The following TMEM179 variants were observed in gnomAD, a reference collection of about 807,000 sequenced individuals.
TMEM179 encodes the protein transmembrane protein 179A.
Under a neutral mutation model 22.2 loss-of-function variants are expected in TMEM179, and 17 were observed. That is an observed-to-expected ratio of 0.77 (90% CI 0.52 to 1.15). The LOEUF is 1.15. TMEM179 is among the 50% of genes most tolerant of loss of function. TMEM179 has a pLI of 0.00. For synonymous variants in TMEM179, 127 were observed against 140.5 expected (o/e 0.90, Z 0.68); for missense variants, 265 against 313.6 (o/e 0.84, Z 1.17).
chr14:104,601,468 C>T (rs1009745436), intron 1 of TMEM179, among the ~76,000 whole-genome samples: 4 of 152,154 alleles, frequency 2.6e-5, no homozygotes, highest in African/African-American at 9.7e-5. Flanking sequence ...GGTGGGGTCC[C>T]CTGGGGGGGG....
intron 3 of TMEM179, chr14:104,594,877 C>T (rs1886964566): frequency 7.6e-7 from 1 of 1,313,544 alleles, no homozygotes. Context: ...GCACCACCTC[C>T]CCCCACACCC....
Position 104,593,439 on chromosome 14 carries a change from G to A in TMEM179, c.*40C>T. The A allele has an allele frequency of 6.5e-7, 1 of 1,535,280 alleles. No homozygotes were observed. Among genetic ancestry groups the A allele is most frequent in the Non-Finnish European group, 8.7e-7 (1 of 1,146,220 alleles). Reference sequence around the variant, plus strand: ...AGGCAGGCCCGTGCCCCCGAGCGCAGCAGGGAGGTCGGGGCCAGCTCCCCC... The same window carrying A: ...AGGCAGGCCCGTGCCCCCGAGCGCAACAGGGAGGTCGGGGCCAGCTCCCCC... On this transcript the variant is annotated 3_prime_UTR_variant, in exon 4 of 4. Coordinates refer to ENST00000556573, the MANE Select transcript of TMEM179 (RefSeq NM_001286389.2).
At chr14:104,594,181 C>T (rs898176096) in intron 3 of TMEM179, 8 of 1,231,962 alleles carry the variant, frequency 6.5e-6, no homozygotes, top group African/African-American at 6.2e-5. Context: ...TGCACTCACA[C>T]CTTAATCCAA....
chr14:104,594,993 C>G (rs1453367139), intron 3 of TMEM179, 172 bp downstream of exon 3: 2 of 1,486,050 alleles, frequency 1.3e-6, no homozygotes, highest in Non-Finnish European at 1.8e-6. Flanking sequence ...TCTCCCCCAC[C>G]TCCTGCAGGA....
chr14:104,596,153 G>A (rs924374521), intron 2 of TMEM179, among the ~76,000 whole-genome samples: 5 of 152,232 alleles, frequency 3.3e-5, no homozygotes, highest in Non-Finnish European at 5.9e-5. Context: ...TGGAGGCACG[G>A]AACAGACAGG....
chr14:104,598,265 G>T (rs1252086305), intron 1 of TMEM179, among the ~76,000 whole-genome samples: 1 of 152,196 alleles, frequency 6.6e-6, no homozygotes, highest in Non-Finnish European at 1.5e-5. Flanking sequence ...GGAGCCCTGA[G>T]GGGGACTTCC....
At chr14:104,594,926 C>A in intron 3 of TMEM179, 1 of 1,219,150 alleles carries the variant, frequency 8.2e-7, no homozygotes, top group Non-Finnish European at 1.0e-6. Flanking sequence ...CTTGCCACTT[C>A]CTGATTCTAA....
At position 104,592,122 on chromosome 14, in the gene TMEM179, C is replaced by T. The variant is rs548403259; in HGVS notation, c.*1357G>A. Reference sequence around the variant, plus strand: ...ATGGGAGGGGCAGAGGGGCTGTCCACACAGCACCCACGGCTCCCATCACGC... The same window carrying T: ...ATGGGAGGGGCAGAGGGGCTGTCCATACAGCACCCACGGCTCCCATCACGC... On this transcript the variant is annotated 3_prime_UTR_variant, in exon 4 of 4. Transcript: ENST00000556573. 3.5e-4 allele frequency: 55 copies of T among 156,300 alleles called. No homozygotes were observed. Among genetic ancestry groups the T allele is most frequent in the Middle Eastern group, 3.4e-3 (1 of 298 alleles). The allele number at this position is 156,300 out of a possible 1,614,324, so 9.7% of individuals were successfully genotyped here.
intron 3 of TMEM179, 100 bp from the exon 4 acceptor site, chr14:104,593,758 C>T: frequency 7.5e-7 from 1 of 1,341,980 alleles, no homozygotes; most frequent in Non-Finnish European, 9.7e-7. Context: ...AGGGAAAGGA[C>T]AGGACTCAGA....
intron 1 of TMEM179, among the ~76,000 whole-genome samples, chr14:104,600,553 G>T (rs1566745684): frequency 6.6e-6 from 1 of 152,166 alleles, no homozygotes; most frequent in Non-Finnish European, 1.5e-5. Flanking sequence ...AAGCCTCTCT[G>T]AAGCACAGGT....
rs900193681 is a variant in TMEM179, at chr14:104,592,004, T to A, written c.*1475A>T. The A allele has an allele frequency of 6.4e-6, 1 of 156,044 alleles. No individual in the cohort carries two copies. The highest frequency in any genetic ancestry group is 2.4e-5 in the African/African-American group (1 of 41,428). The allele number at this position is 156,044 out of a possible 1,614,324, so 9.7% of individuals were successfully genotyped here. ...GGTCCCAGGTTCACATCCCAGCTCC[T>A]CCACTTGCTTCTGCGGGGCCTCAGC... On this transcript the variant is annotated 3_prime_UTR_variant, in exon 4 of 4. Coordinates refer to ENST00000556573, the MANE Select transcript of TMEM179 (RefSeq NM_001286389.2).
In TMEM179 at chr14:104,604,422, G is replaced by A; in HGVS notation, c.305+15C>T. On this transcript the variant is annotated intron_variant, in intron 1 of 3. Transcript: ENST00000556573. The surrounding 1 kb of genome is among the most constrained non-coding windows in gnomAD (Gnocchi z 4.6). ...GCATGGAAGGGGCGCCGCGCCGGGA[G>A]CGGCCCCCACTTACCCCTCGTGTCC... The A allele has an allele frequency of 1.3e-6, 2 of 1,515,808 alleles. No homozygotes were observed. The highest frequency in any genetic ancestry group is 1.8e-6 in the Non-Finnish European group (2 of 1,140,178). 93.9% of individuals were successfully genotyped at this position (1,515,808 alleles called of 1,614,324 possible).
chr14:104,604,763 C>T lies in TMEM179; in HGVS notation c.-22G>A. 2 of 1,492,684 alleles carry T rather than the reference C, an allele frequency of 1.3e-6. No individual in the cohort carries two copies. The highest frequency in any genetic ancestry group is 2.7e-5 in the South Asian group (2 of 74,624). The allele number at this position is 1,492,684 out of a possible 1,614,324, so 92.5% of individuals were successfully genotyped here. On this transcript the variant is annotated 5_prime_UTR_variant, in exon 1 of 4. Transcript: ENST00000556573. The surrounding 1 kb of genome is among the most constrained non-coding windows in gnomAD (Gnocchi z 4.6). ...CCATGGCCGGCCCGGGCGAGAGCGG[C>T]GGCGGGAAGGCCGCGGGAGGCTGCG...
rs1032322237 is a variant in TMEM179, at chr14:104,597,376, C to T, written c.306-249G>A. On this transcript the variant is annotated intron_variant, in intron 1 of 3. Coordinates refer to ENST00000556573, the MANE Select transcript of TMEM179 (RefSeq NM_001286389.2). This position sits in a 1 kb window ranked among gnomAD's most constrained non-coding sequence, Gnocchi z 4.8. ...GCCCACCCTGGGCTGCAGGTCACACCTTCCCAAAGACCCAGGACCTGGAAC... is the reference window on the plus strand; with the variant it reads ...GCCCACCCTGGGCTGCAGGTCACACTTTCCCAAAGACCCAGGACCTGGAAC... 2.0e-5 allele frequency among the ~76,000 whole-genome samples: 3 copies of T among 152,142 alleles called. No individual in the cohort carries two copies. Among genetic ancestry groups the T allele is most frequent in the African/African-American group, 7.2e-5 (3 of 41,420 alleles).
chr14:104,594,876 C>T, intron 3 of TMEM179: 1 of 1,298,356 alleles, frequency 7.7e-7, no homozygotes, highest in Non-Finnish European at 9.8e-7. Context: ...GGCACCACCT[C>T]CCCCCACACC....
chr14:104,601,808 C>T (rs1026404354), intron 1 of TMEM179, among the ~76,000 whole-genome samples: 2 of 152,158 alleles, frequency 1.3e-5, no homozygotes, highest in Non-Finnish European at 1.5e-5. Context: ...GCAGGAGCTG[C>T]CCGGACCTGA....
In TMEM179 at chr14:104,593,516, C is replaced by A; in HGVS notation, c.665G>T (p.Arg222Leu). The A allele has an allele frequency of 6.5e-7, 1 of 1,535,766 alleles. No individual in the cohort carries two copies. Among genetic ancestry groups the A allele is most frequent in the African/African-American group, 1.4e-5 (1 of 73,164 alleles). The change falls in exon 4 of 4, where the codon CGC becomes CTC. Residue 222 changes from arginine (R) to leucine (L), a missense_variant. Transcript: ENST00000556573. Reference protein sequence around the residue: ...KELLLARPSPRTSFQEEKSAV... With the variant: ...KELLLARPSPLTSFQEEKSAV... ...GCTCTTCTCCTCTTGGAAGGAGGTG[C>A]GTGGGGACGGCCGGGCCAGCAGCAG...
At chr14:104,594,063 T>C in intron 3 of TMEM179, 4 of 1,232,342 alleles carry the variant, frequency 3.2e-6, no homozygotes, top group Non-Finnish European at 4.0e-6. Flanking sequence ...CCGGAATAAA[T>C]TGACCTTTAG....
Position 104,593,225 on chromosome 14 carries a change from C to CCCCCCG in TMEM179, c.*248_*253dup. 2 of 545,264 alleles carry CCCCCCG rather than the reference C, an allele frequency of 3.7e-6. No homozygotes were observed. Among genetic ancestry groups the CCCCCCG allele is most frequent in the South Asian group, 4.7e-5 (2 of 42,386 alleles). The allele number at this position is 545,264 out of a possible 1,614,324, so 33.8% of individuals were successfully genotyped here. The stretch of plus-strand genomic sequence containing the variant: ...GGGCCCTGTGCGAGGCCTGGAGGTG[C>CCCCCCG]CCCCCGCCCCCGCCCCACACCCATA... On this transcript the variant is annotated 3_prime_UTR_variant, in exon 4 of 4. Coordinates refer to ENST00000556573, the MANE Select transcript of TMEM179 (RefSeq NM_001286389.2).
Sources: gnomAD v4.1 joint callset for allele counts (sites outside exome capture counted in the v4.1 genomes callset) on GRCh38, gnomAD v4.1.1 for gene constraint, Gnocchi (gnomAD v3.1) non-coding constraint, MANE v1.5 for transcripts, NCBI Gene and HGNC (gene_info 2026-07-23, HGNC 2026-07-21) for gene names.